Variants in DOK5 observed in about 807,000 individuals in gnomAD.
The protein encoded by DOK5 is downstream of tyrosine kinase 5.
DOK5 carries 27 observed loss-of-function variants against 43.3 expected under a neutral mutation model. The observed-to-expected ratio is 0.62, with a 90% CI of 0.46 to 0.86. DOK5 has a LOEUF of 0.86. Among genes scored for constraint, DOK5 ranks in the 40% least tolerant of loss-of-function variants. The pLI, the probability that DOK5 is intolerant of heterozygous loss-of-function variation, is 0.00. For synonymous variants in DOK5, 146 were observed against 140.1 expected (o/e 1.04, Z -0.30); for missense variants, 373 against 392.9 (o/e 0.95, Z 0.43).
intron 7 of DOK5, among the ~76,000 whole-genome samples, chr20:54,644,701 G>A (rs1187233938): frequency 5.3e-4 from 16 of 30,318 alleles, no homozygotes; most frequent in Non-Finnish European, 7.5e-4. Context: ...GAGAGACTCC[G>A]TCTCAAAAAA....
chr20:54,510,740 T>C (rs1982985183), intron 1 of DOK5, among the ~76,000 whole-genome samples: 1 of 152,160 alleles, frequency 6.6e-6, no homozygotes, highest in Admixed American at 6.5e-5. Context: ...GAAGGCTGCC[T>C]GGCCTTGTGT....
chr20:54,644,722 A>AACAAAAAAAAAAAC (rs1568827238), intron 7 of DOK5, among the ~76,000 whole-genome samples: 1 of 146,568 alleles, frequency 6.8e-6, no homozygotes, highest in African/African-American at 2.5e-5. Flanking sequence ...AAAAAAAAAA[A>AACAAAAAAAAAAAC]AACAAAATTT....
At chr20:54,568,932 A>AAAAT (rs373240230) in intron 2 of DOK5, among the ~76,000 whole-genome samples, 3,072 of 149,888 alleles carry the variant, frequency 0.02, 70 homozygotes, top group African/African-American at 0.053. Context: ...ACTCTATCTC[A>AAAAT]AAATAAATAA....
Position 54,650,749 on chromosome 20 carries a change from G to C in DOK5, c.*270G>C. The C allele has an allele frequency of 3.1e-6, 1 of 326,480 alleles. No homozygotes were observed. The highest frequency in any genetic ancestry group is 5.6e-6 in the Non-Finnish European group (1 of 180,144). The allele number at this position is 326,480 out of a possible 1,614,324, so 20.2% of individuals were successfully genotyped here. A position where few individuals can be genotyped will look rare whatever the true frequency, so the allele number is the denominator to read the frequency against. ...CTGGACAGAAAGAAGTCAATGTCACGAAATGATTTTCTATTGTAGATACTT... is the reference window on the plus strand; with the variant it reads ...CTGGACAGAAAGAAGTCAATGTCACCAAATGATTTTCTATTGTAGATACTT... On this transcript the variant is annotated 3_prime_UTR_variant, in exon 8 of 8. Coordinates refer to ENST00000262593, the MANE Select transcript of DOK5 (RefSeq NM_018431.5).
chr20:54,587,626 C>A (rs1187677244), intron 2 of DOK5, among the ~76,000 whole-genome samples: 5 of 151,980 alleles, frequency 3.3e-5, no homozygotes, highest in African/African-American at 1.2e-4. Context: ...GCTGAGGATG[C>A]GGATGTAACT....
chr20:54,571,878 C>G (rs570202269), intron 2 of DOK5, among the ~76,000 whole-genome samples: 83 of 152,298 alleles, frequency 5.4e-4, no homozygotes, highest in African/African-American at 1.9e-3. Context: ...TCACTCTTCC[C>G]TACGTTTTCA....
At chr20:54,491,526 G>C (rs1333935913) in intron 1 of DOK5, among the ~76,000 whole-genome samples, 9 of 152,110 alleles carry the variant, frequency 5.9e-5, no homozygotes, top group Non-Finnish European at 1.5e-5. Flanking sequence ...GGTGAGAAGG[G>C]CCCAATTTTC....
intron 1 of DOK5, among the ~76,000 whole-genome samples, chr20:54,551,481 G>T (rs1448238654): frequency 6.6e-6 from 1 of 152,122 alleles, no homozygotes; most frequent in Non-Finnish European, 1.5e-5. Flanking sequence ...TCCAGACTGT[G>T]ATCTCATGCA....
chr20:54,617,974 T>G (rs969067850), intron 6 of DOK5, among the ~76,000 whole-genome samples: 1 of 152,244 alleles, frequency 6.6e-6, no homozygotes, highest in African/African-American at 2.4e-5. Flanking sequence ...GATTCATTTG[T>G]TCACTCTCAT....
chr20:54,476,697 G>A (rs990807074), intron 1 of DOK5, among the ~76,000 whole-genome samples: 1 of 152,146 alleles, frequency 6.6e-6, no homozygotes, highest in Non-Finnish European at 1.5e-5. Context: ...CTGGCATAGC[G>A]CAAGTGCTCC....
intron 1 of DOK5, among the ~76,000 whole-genome samples, chr20:54,501,184 G>A (rs1182892081): frequency 1.4e-4 from 21 of 152,046 alleles, no homozygotes. Context: ...ATCTGGCAGT[G>A]GGGCTGGGCG....
At chr20:54,634,683 C>T (rs1978740445) in intron 6 of DOK5, among the ~76,000 whole-genome samples, 1 of 151,742 alleles carries the variant, frequency 6.6e-6, no homozygotes, top group Non-Finnish European at 1.5e-5. Flanking sequence ...CCTCGTGATC[C>T]TCCTGCCTCG....
intron 1 of DOK5, among the ~76,000 whole-genome samples, chr20:54,500,216 GTTTA>G (rs1227723487): frequency 6.6e-6 from 1 of 152,104 alleles, no homozygotes; most frequent in Non-Finnish European, 1.5e-5. Context: ...CTCTTTGTGG[GTTTA>G]TTTCTTTAGG....
At chr20:54,501,453 C>G (rs6023305) in intron 1 of DOK5, among the ~76,000 whole-genome samples, 8,904 of 116,504 alleles carry the variant, frequency 0.076, 1,092 homozygotes, top group African/African-American at 0.28. Context: ...GGTGACAGAG[C>G]GAGACTCACT....
intron 1 of DOK5, among the ~76,000 whole-genome samples, chr20:54,524,698 A>G (rs568584841): frequency 6.6e-6 from 1 of 152,386 alleles, no homozygotes; most frequent in Admixed American, 6.5e-5. Context: ...TTCTCTGACT[A>G]TTAAAGCCAA....
At chr20:54,510,502 A>G (rs1982978673) in intron 1 of DOK5, among the ~76,000 whole-genome samples, 2 of 152,214 alleles carry the variant, frequency 1.3e-5, no homozygotes, top group Non-Finnish European at 1.5e-5. Flanking sequence ...CCAGGCATGT[A>G]TACTCAGAAA....
At chr20:54,595,961 C>A (rs1439457813) in intron 5 of DOK5, among the ~76,000 whole-genome samples, 1 of 152,148 alleles carries the variant, frequency 6.6e-6, no homozygotes, top group Non-Finnish European at 1.5e-5. Flanking sequence ...GGCAGAAATG[C>A]ATGTAGATGA....
intron 5 of DOK5, among the ~76,000 whole-genome samples, chr20:54,607,403 G>GGT (rs10684906): frequency 0.52 from 75,538 of 145,486 alleles, 21,200 homozygotes; most frequent in East Asian, 0.8. Flanking sequence ...AGTGGTAAGT[G>GGT]GTGTGTGTGT....
At chr20:54,613,952 C>A (rs1986727680) in intron 6 of DOK5, among the ~76,000 whole-genome samples, 1 of 151,674 alleles carries the variant, frequency 6.6e-6, no homozygotes, top group Non-Finnish European at 1.5e-5. Flanking sequence ...TAGGTTCCCG[C>A]CACTGCACTC....
Sources: allele counts gnomAD v4.1 joint callset (sites outside exome capture counted in the v4.1 genomes callset), GRCh38; gene constraint gnomAD v4.1.1; transcripts MANE v1.5; gene names NCBI Gene and HGNC (gene_info 2026-07-23, HGNC 2026-07-21).